The following LAMA4 variants were observed in gnomAD, a reference collection of about 807,000 sequenced individuals.
The protein encoded by LAMA4 is laminin subunit alpha 4, also known as laminin subunit alpha-4.
In LAMA4, 127 loss-of-function variants were observed where a neutral mutation model predicts 207.1. The observed-to-expected ratio is 0.61, with a 90% CI of 0.53 to 0.71. The LOEUF (loss-of-function observed/expected upper bound fraction) is 0.71. LAMA4 is among the 30% of genes least tolerant of loss of function. The pLI is 0.00. For missense variants in LAMA4, 2,093 were observed against 2,246.5 expected, an observed-to-expected ratio of 0.93 and a Z score of 1.38; for synonymous variants, 761 against 816.0, an observed-to-expected ratio of 0.93 and a Z score of 1.15.
At chr6:112,190,912 TTTC>T (rs1554348493) in intron 6 of LAMA4, among the ~76,000 whole-genome samples, 1 of 96,326 alleles carries the variant, frequency 1.0e-5, no homozygotes, top group Non-Finnish European at 2.1e-5. Flanking sequence ...TCTTTCTTTC[TTTC>T]TTTCTTTCTT....
intron 12 of LAMA4, among the ~76,000 whole-genome samples, chr6:112,166,668 C>T (rs1409153710): frequency 6.6e-6 from 1 of 152,164 alleles, no homozygotes; most frequent in African/African-American, 2.4e-5. Flanking sequence ...AAACAATATG[C>T]TTCAAGTTAA....
chr6:112,129,167 A>C, intron 30 of LAMA4, 92 bp from the exon 31 acceptor site: 1 of 1,150,384 alleles, frequency 8.7e-7, no homozygotes, highest in Non-Finnish European at 1.3e-6. Flanking sequence ...TTTGGCAATT[A>C]AAATGTGTGT....
intron 3 of LAMA4, 39 bp downstream of exon 3, chr6:112,216,329 C>T: frequency 7.8e-7 from 1 of 1,282,396 alleles, no homozygotes; most frequent in Non-Finnish European, 1.1e-6. Context: ...TGCAAATGCC[C>T]AGTGAAGTAC....
chr6:112,143,610 C>A (rs763247), intron 19 of LAMA4, among the ~76,000 whole-genome samples: 92,726 of 151,994 alleles, frequency 0.61, 28,397 homozygotes, highest in African/African-American at 0.64. Context: ...AATAAACAAG[C>A]AGTGTGGGGG....
intron 5 of LAMA4, among the ~76,000 whole-genome samples, chr6:112,193,008 G>A (rs782017304): frequency 6.6e-6 from 1 of 152,184 alleles, no homozygotes; most frequent in Non-Finnish European, 1.5e-5. Context: ...TACTGTACAA[G>A]TCAAACTACA....
intron 9 of LAMA4, chr6:112,179,331 C>T (rs1310965917): frequency 6.6e-6 from 1 of 152,264 alleles, no homozygotes; most frequent in Non-Finnish European, 1.5e-5. Flanking sequence ...AGAAATGATT[C>T]AAGGCTAGGA....
intron 12 of LAMA4, among the ~76,000 whole-genome samples, chr6:112,169,778 A>G (rs1248709421): frequency 6.6e-6 from 1 of 152,236 alleles, no homozygotes; most frequent in Non-Finnish European, 1.5e-5. Context: ...AGCCATATGC[A>G]TGAAGTTTAA....
At position 112,108,297 on chromosome 6, in the gene LAMA4, A is replaced by G. The variant is rs1777529324; in HGVS notation, c.*1140T>C. ...TATAATTCTTTTATTTCATTTCTATATTTTAATATTCTACCAGCTATTCAA... is the reference window on the plus strand; with the variant it reads ...TATAATTCTTTTATTTCATTTCTATGTTTTAATATTCTACCAGCTATTCAA... On this transcript the variant is annotated 3_prime_UTR_variant, in exon 39 of 39. Coordinates refer to ENST00000230538, the MANE Select transcript of LAMA4 (RefSeq NM_001105206.3). Among the ~76,000 whole-genome samples, 1 of 152,084 alleles carries G rather than the reference A, an allele frequency of 6.6e-6. No individual in the cohort carries two copies. Among genetic ancestry groups the G allele is most frequent in the Non-Finnish European group, 1.5e-5 (1 of 68,010 alleles).
intron 2 of LAMA4, chr6:112,251,628 T>C (rs1554189875): frequency 6.6e-6 from 1 of 152,246 alleles, no homozygotes; most frequent in African/African-American, 2.4e-5. Flanking sequence ...AGTAAAGTGT[T>C]TGTACCATGT....
At chr6:112,249,121 C>T (rs1432117033) in intron 2 of LAMA4, among the ~76,000 whole-genome samples, 2 of 152,140 alleles carry the variant, frequency 1.3e-5, no homozygotes, top group African/African-American at 4.8e-5. Context: ...CAAAAATGGT[C>T]TTTAAATTGC....
chr6:112,190,915 C>CT (rs782152838), intron 6 of LAMA4, among the ~76,000 whole-genome samples: 1 of 98,172 alleles, frequency 1.0e-5, no homozygotes, highest in African/African-American at 3.9e-5. Context: ...TTCTTTCTTT[C>CT]TTTCTTTCTT....
intron 31 of LAMA4, among the ~76,000 whole-genome samples, chr6:112,124,987 C>T (rs1554327145): frequency 1.3e-5 from 2 of 152,104 alleles, no homozygotes; most frequent in African/African-American, 2.4e-5. Flanking sequence ...GATCTCCTGA[C>T]CTCTTTTTCC....
chr6:112,148,456 G>A, intron 17 of LAMA4, 120 bp from the exon 18 acceptor site: 1 of 1,066,356 alleles, frequency 9.4e-7, no homozygotes, highest in Non-Finnish European at 1.4e-6. Flanking sequence ...TTAAGCAAAA[G>A]TAAGATTTTT....
intron 31 of LAMA4, among the ~76,000 whole-genome samples, chr6:112,125,111 A>G (rs915061071): frequency 3.9e-5 from 6 of 152,224 alleles, no homozygotes; most frequent in Non-Finnish European, 7.3e-5. Flanking sequence ...GGCTAGAATC[A>G]ATTGGAAAGC....
chr6:112,122,485 C>T (rs1186757925), intron 31 of LAMA4, among the ~76,000 whole-genome samples: 1 of 152,132 alleles, frequency 6.6e-6, no homozygotes, highest in Non-Finnish European at 1.5e-5. Flanking sequence ...ACTGCTCTAT[C>T]ATTTAAATTA....
At chr6:112,129,182 G>A (rs1362342255) in intron 30 of LAMA4, 107 bp from the exon 31 acceptor site, 3 of 522,428 alleles carry the variant, frequency 5.7e-6, no homozygotes, top group East Asian at 1.1e-4. Flanking sequence ...GTGTGTGTGT[G>A]TGTGCATGTG....
In LAMA4 at chr6:112,254,129, G is replaced by C. The variant is rs149430073; in HGVS notation, c.22C>G (p.Arg8Gly). The C allele has an allele frequency of 1.9e-6, 3 of 1,612,836 alleles. No individual in the cohort carries two copies. The highest frequency in any genetic ancestry group is 1.7e-6 in the Non-Finnish European group (2 of 1,179,976). Reference sequence around the variant, plus strand: ...AGGAGCCACAGAGGCAGAACCGAGCGCCAGGCTGAGCTCAAAGCCATTTCT... The same window carrying C: ...AGGAGCCACAGAGGCAGAACCGAGCCCCAGGCTGAGCTCAAAGCCATTTCT... Reference protein sequence around the residue: MALSSAWRSVLPLWLLWS... With the variant: MALSSAWGSVLPLWLLWS... The change falls in exon 2 of 39, where the codon CGC becomes GGC. Residue 8 changes from arginine (R) to glycine (G), a missense_variant. Around this residue, in one of 3 missense-constraint regions of LAMA4, gnomAD observed 1,704 missense variants for 1,788.4 expected, o/e 0.95. Transcript: ENST00000230538.
intron 3 of LAMA4, among the ~76,000 whole-genome samples, chr6:112,212,446 A>G (rs1363145351): frequency 6.6e-6 from 1 of 152,046 alleles, no homozygotes; most frequent in Admixed American, 6.6e-5. Flanking sequence ...ATGGTCTCGA[A>G]CACCTGACCT....
chr6:112,187,218 T>C lies in LAMA4; in HGVS notation c.966+232A>G, dbSNP rs1440515192. On this transcript the variant is annotated intron_variant, in intron 8 of 38. Transcript: ENST00000230538. Reference sequence around the variant, plus strand: ...AGTCTTTTAGTCATTTCATTTCCCATATAACCTCTTTTGTAGACAGTAGTT... The same window carrying C: ...AGTCTTTTAGTCATTTCATTTCCCACATAACCTCTTTTGTAGACAGTAGTT... The C allele has an allele frequency of 1.3e-5, 8 of 623,934 alleles. No individual in the cohort carries two copies. The African/African-American group carries it at 1.5e-4, about 11-fold the overall frequency. The allele number at this position is 623,934 out of a possible 1,614,324, so 38.6% of individuals were successfully genotyped here.
Sources: allele counts gnomAD v4.1 joint callset (sites outside exome capture counted in the v4.1 genomes callset), GRCh38; gene constraint gnomAD v4.1.1; regional missense constraint gnomAD v4.1.1; transcripts MANE v1.5; gene names NCBI Gene and HGNC (gene_info 2026-07-23, HGNC 2026-07-21).